VPS13B: variants seen among roughly 807,000 people sequenced by gnomAD.
VPS13B encodes the protein vacuolar protein sorting 13 homolog B.
In VPS13B, 285 loss-of-function variants were observed where a neutral mutation model predicts 426.4. That is an observed-to-expected ratio of 0.67 (90% CI 0.61 to 0.74). The LOEUF is 0.74. Among genes scored for constraint, VPS13B ranks in the 30% least tolerant of loss-of-function variants. The pLI, the probability that VPS13B is intolerant of heterozygous loss-of-function variation, is 0.00. For missense variants in VPS13B, 4,537 were observed against 4,782.6 expected, an observed-to-expected ratio of 0.95 and a Z score of 1.51; for synonymous variants, 1,676 against 1,676.4, an observed-to-expected ratio of 1.00 and a Z score of 0.01.
At chr8:99,624,007 A>ATATTTTTTTTTTTTTTTTTTTT in intron 33 of VPS13B, among the ~76,000 whole-genome samples, 1 of 101,122 alleles carries the variant, frequency 9.9e-6, no homozygotes, top group Non-Finnish European at 1.9e-5. Flanking sequence ...ATATATATAT[A>ATATTTTTTTTTTTTTTTTTTTT]TTTTTTTTTT....
chr8:99,493,053 T>G (rs922892705), intron 25 of VPS13B, among the ~76,000 whole-genome samples: 3 of 152,218 alleles, frequency 2.0e-5, no homozygotes, highest in African/African-American at 7.2e-5. Context: ...TCTCTTAATG[T>G]GACTAATTAT....
intron 21 of VPS13B, among the ~76,000 whole-genome samples, chr8:99,405,761 A>T (rs191238634): frequency 2.0e-5 from 3 of 150,506 alleles, no homozygotes. Context: ...ATTTTCTTAT[A>T]TACTTCATCC....
chr8:99,326,855 C>G (rs180933232), intron 19 of VPS13B, among the ~76,000 whole-genome samples: 1 of 152,278 alleles, frequency 6.6e-6, no homozygotes, highest in Admixed American at 6.5e-5. Context: ...AAGTTCAGCT[C>G]TGATAGAGGG....
intron 20 of VPS13B, among the ~76,000 whole-genome samples, chr8:99,386,523 TGTAACACAAAG>T (rs544243034): frequency 1.3e-5 from 2 of 152,260 alleles, no homozygotes; most frequent in African/African-American, 4.8e-5. Flanking sequence ...CTTAGGCAAT[TGTAACACAAAG>T]GTAAGTATTT....
chr8:99,049,623 A>G (rs571697107), intron 3 of VPS13B, among the ~76,000 whole-genome samples: 18 of 151,718 alleles, frequency 1.2e-4, no homozygotes, highest in Admixed American at 1.1e-3. Flanking sequence ...TCTTAACTGT[A>G]GATAACCTGA....
chr8:99,364,508 C>T (rs1432583582), intron 19 of VPS13B, among the ~76,000 whole-genome samples: 1 of 152,126 alleles, frequency 6.6e-6, no homozygotes, highest in Non-Finnish European at 1.5e-5. Flanking sequence ...TCATGGCTCA[C>T]TGCAGCCTTG....
chr8:99,525,256 CAA>C (rs1469507994), intron 30 of VPS13B, among the ~76,000 whole-genome samples: 2 of 151,992 alleles, frequency 1.3e-5, no homozygotes, highest in Non-Finnish European at 2.9e-5. Flanking sequence ...ATAGAAACAA[CAA>C]AAAGTTAAAA....
rs192340351 is a variant in VPS13B at position 99,495,409 on chromosome 8, G to T, written c.3871-6278G>T. 9.2e-5 allele frequency among the ~76,000 whole-genome samples: 14 copies of T among 152,050 alleles called. No individual in the cohort carries two copies. In the East Asian group the frequency reaches 2.1e-3, roughly 23 times the overall value. ...TTTCTTTTATTTTTTATCAGATCTG[G>T]TATCTGAACTTCTTTAGAGTTGAAT... On this transcript the variant is annotated intron_variant, in intron 25 of 61. Transcript: ENST00000357162.
In VPS13B at chr8:99,349,469, GAGAA is replaced by G. The variant is rs1811749981; in HGVS notation, c.2825-34737_2825-34734del. Among the ~76,000 whole-genome samples, 4 of 151,826 alleles carry G rather than the reference GAGAA, an allele frequency of 2.6e-5. No homozygotes were observed. The South Asian group carries it at 8.3e-4, about 31-fold the overall frequency. On this transcript the variant is annotated intron_variant, in intron 19 of 61. Coordinates refer to ENST00000357162, the MANE Select transcript of VPS13B (RefSeq NM_152564.5). ...AAAACTAAATCTAGAATCCATAATG[GAGAA>G]AATCACATTTAGCACAGTATGTATT...
At chr8:99,582,760 A>G (rs1826128772) in intron 33 of VPS13B, among the ~76,000 whole-genome samples, 1 of 151,872 alleles carries the variant, frequency 6.6e-6, no homozygotes, top group Non-Finnish European at 1.5e-5. Flanking sequence ...TGTTCACGCC[A>G]TTCTCCTGCC....
chr8:99,776,428 A>C (rs1011684193), intron 40 of VPS13B, among the ~76,000 whole-genome samples: 28 of 152,280 alleles, frequency 1.8e-4, no homozygotes, highest in Middle Eastern at 3.4e-3. Context: ...TCAACCACCA[A>C]GTAGCTGAGA....
intron 17 of VPS13B, among the ~76,000 whole-genome samples, chr8:99,202,789 G>C (rs1202936515): frequency 6.6e-6 from 1 of 152,158 alleles, no homozygotes; most frequent in Non-Finnish European, 1.5e-5. Flanking sequence ...CAGCACTTTG[G>C]GAGGCTGAGG....
In VPS13B at chr8:99,854,208, G is replaced by T. The variant is rs764432900; in HGVS notation, c.10819G>T (p.Val3607Leu). 1.2e-6 allele frequency: 2 copies of T among 1,614,096 alleles called. No individual in the cohort carries two copies. Among genetic ancestry groups the T allele is most frequent in the South Asian group, 2.2e-5 (2 of 91,074 alleles). ...CATCTTCACCACTGCGAGGCAGCTT[G>T]TGCACGCCCTGGCAATGCACTATGC... ...GPIFTTARQL[V>L]HALAMHYAAG... Residue 3607 changes from valine to leucine, a missense_variant, in exon 56 of 62, where the codon GTG becomes TTG. Transcript: ENST00000357162.
At chr8:99,015,562 A>G (rs1039873277) in intron 2 of VPS13B, among the ~76,000 whole-genome samples, 1 of 151,378 alleles carries the variant, frequency 6.6e-6, no homozygotes, top group Non-Finnish European at 1.5e-5. Flanking sequence ...CTACTGTCCA[A>G]TAAAAAAATG....
chr8:99,528,771 A>G (rs1449852568), intron 30 of VPS13B, among the ~76,000 whole-genome samples: 1 of 152,174 alleles, frequency 6.6e-6, no homozygotes, highest in African/African-American at 2.4e-5. Context: ...GAATAGAGAA[A>G]AGTGTTCATA....
At chr8:99,376,122 G>A (rs1271692993) in intron 19 of VPS13B, among the ~76,000 whole-genome samples, 1 of 152,232 alleles carries the variant, frequency 6.6e-6, no homozygotes, top group Non-Finnish European at 1.5e-5. Flanking sequence ...CATTTGGGCA[G>A]TGAGGAGAGC....
intron 54 of VPS13B, among the ~76,000 whole-genome samples, chr8:99,838,385 C>G (rs1195195018): frequency 1.3e-5 from 2 of 152,174 alleles, no homozygotes; most frequent in Admixed American, 1.3e-4. Context: ...AGACTCCTGT[C>G]ATAGTGTATA....
intron 30 of VPS13B, 42 bp downstream of exon 30, chr8:99,521,052 T>C (rs1348112554): frequency 6.7e-7 from 1 of 1,495,164 alleles, no homozygotes. Context: ...ACAATTTTCA[T>C]CCTGCAAACA....
intron 19 of VPS13B, among the ~76,000 whole-genome samples, chr8:99,276,035 A>G (rs1485704259): frequency 6.6e-6 from 1 of 152,192 alleles, no homozygotes; most frequent in Non-Finnish European, 1.5e-5. Context: ...GTAGAGCTTC[A>G]TTAACATTAT....
Sources: gnomAD v4.1 joint callset for allele counts (sites outside exome capture counted in the v4.1 genomes callset) on GRCh38, gnomAD v4.1.1 for gene constraint, MANE v1.5 for transcripts, NCBI Gene and HGNC (gene_info 2026-07-23, HGNC 2026-07-21) for gene names.